PLEKHA7: variants seen among roughly 807,000 people sequenced by gnomAD.
PLEKHA7 encodes the protein pleckstrin homology domain containing A7.
A neutral mutation model predicts 170.0 loss-of-function variants in PLEKHA7; 104 were observed. The ratio of observed to expected loss-of-function variants is 0.61; its 90% CI spans 0.52 to 0.72. The LOEUF (loss-of-function observed/expected upper bound fraction) is 0.72. Ranked by LOEUF, PLEKHA7 falls within the 30% of genes least tolerant of loss-of-function variation. The probability of loss-of-function intolerance (pLI) is 0.00; values close to 1 mark genes in which losing one functional copy is unlikely to be tolerated. For missense variants in PLEKHA7, 1,615 were observed against 1,671.7 expected (o/e 0.97, Z 0.59); for synonymous variants, 648 against 660.8 (o/e 0.98, Z 0.30).
intron 4 of PLEKHA7, among the ~76,000 whole-genome samples, chr11:16,857,481 A>C (rs968466381): frequency 6.6e-6 from 1 of 152,198 alleles, no homozygotes; most frequent in Non-Finnish European, 1.5e-5. Flanking sequence ...CAGCAAGATA[A>C]CCGCTGATCA....
chr11:16,859,993 C>T (rs1853808797), intron 4 of PLEKHA7, among the ~76,000 whole-genome samples: 1 of 152,242 alleles, frequency 6.6e-6, no homozygotes, highest in Admixed American at 6.5e-5. Flanking sequence ...ACTTCTCTCT[C>T]CCTGGTTTGG....
At position 17,000,514 on chromosome 11, in the gene PLEKHA7, C is replaced by A. The variant is rs560969574; in HGVS notation, c.221+13475G>T. Among the ~76,000 whole-genome samples, 5 of 152,300 alleles carry A rather than the reference C, an allele frequency of 3.3e-5. No homozygotes were observed. The South Asian group carries it at 6.2e-4, about 19-fold the overall frequency. Reference sequence around the variant, plus strand: ...GCCCAGCTTCCTTTTAAAGACAAGTCTCAACAAGGAAGCACAATTCTTTCT... The same window carrying A: ...GCCCAGCTTCCTTTTAAAGACAAGTATCAACAAGGAAGCACAATTCTTTCT... On this transcript the variant is annotated intron_variant, in intron 3 of 26. Coordinates refer to ENST00000531066, the MANE Select transcript of PLEKHA7 (RefSeq NM_001329630.2).
chr11:16,789,417 G>T lies in PLEKHA7; in HGVS notation c.3157-121C>A. ...CTCACACACATGCACACTCTAGTTGGGCTCCTCTTGGCCTTAGAGAACTAT... is the reference window on the plus strand; with the variant it reads ...CTCACACACATGCACACTCTAGTTGTGCTCCTCTTGGCCTTAGAGAACTAT... On this transcript the variant is annotated intron_variant, in intron 22 of 26. Coordinates refer to ENST00000531066, the MANE Select transcript of PLEKHA7 (RefSeq NM_001329630.2). This position sits in a 1 kb window ranked among gnomAD's most constrained non-coding sequence, Gnocchi z 4.6. 1.1e-6 allele frequency: 1 copy of T among 905,674 alleles called. No homozygotes were observed. The highest frequency in any genetic ancestry group is 1.7e-6 in the Non-Finnish European group (1 of 584,830). The allele number at this position is 905,674 out of a possible 1,614,324, so 56.1% of individuals were successfully genotyped here. A position where few individuals can be genotyped will look rare whatever the true frequency, so the allele number is the denominator to read the frequency against.
chr11:16,899,397 T>C (rs1857189353), intron 3 of PLEKHA7, among the ~76,000 whole-genome samples: 1 of 152,214 alleles, frequency 6.6e-6, no homozygotes, highest in Non-Finnish European at 1.5e-5. Context: ...CTAGGGAGGC[T>C]GAGGAAGGAG....
chr11:16,813,456 C>G, intron 12 of PLEKHA7: 1 of 357,306 alleles, frequency 2.8e-6, no homozygotes, highest in Non-Finnish European at 5.4e-6. Flanking sequence ...GTAGCTGAGG[C>G]AGTGCTGTGC....
intron 4 of PLEKHA7, 25 bp from the exon 5 acceptor site, chr11:16,855,939 T>A (rs776300674): frequency 1.3e-6 from 2 of 1,572,158 alleles, no homozygotes; most frequent in Non-Finnish European, 8.8e-7. Context: ...GGGATTCCAG[T>A]GAGTAAAAGC....
chr11:16,788,004 T>G (rs993196390), intron 23 of PLEKHA7: 1 of 152,334 alleles, frequency 6.6e-6, no homozygotes, highest in Non-Finnish European at 1.5e-5. Context: ...AATTGTGTGA[T>G]TGGACTACAG....
Position 16,826,147 on chromosome 11 carries a change from G to A in PLEKHA7, c.1316C>T (p.Ala439Val). The change falls in exon 10 of 27, where the codon GCA becomes GTA. Residue 439 changes from alanine to valine, a missense_variant. By Grantham distance (64) the Ala-to-Val change is moderately conservative. Transcript: ENST00000531066. Reference protein sequence around the residue: ...KSNLAQVEHWARAQKGDSRSL... With the variant: ...KSNLAQVEHWVRAQKGDSRSL... ...CCTGCTATCCCCTTTCTGGGCCCTT[G>A]CCCAGTGCTCCACCTGGGCCAGATT... The A allele has an allele frequency of 6.2e-7, 1 of 1,614,156 alleles. No homozygotes were observed. The highest frequency in any genetic ancestry group is 8.5e-7 in the Non-Finnish European group (1 of 1,180,020).
intron 3 of PLEKHA7, among the ~76,000 whole-genome samples, chr11:16,883,987 T>C (rs187599146): frequency 1.3e-5 from 2 of 150,064 alleles, no homozygotes; most frequent in African/African-American, 4.8e-5. Flanking sequence ...GAACTTAAAA[T>C]TTTATATATA....
At chr11:17,003,289 C>G (rs1864790744) in intron 3 of PLEKHA7, among the ~76,000 whole-genome samples, 1 of 152,172 alleles carries the variant, frequency 6.6e-6, no homozygotes, top group Admixed American at 6.5e-5. Context: ...CCACACCCAG[C>G]CCAAGGTTGT....
At chr11:16,993,941 A>G (rs1051066108) in intron 3 of PLEKHA7, among the ~76,000 whole-genome samples, 1 of 152,256 alleles carries the variant, frequency 6.6e-6, no homozygotes, top group African/African-American at 2.4e-5. Flanking sequence ...TTAGTATCAG[A>G]TAATTATCTA....
chr11:16,894,732 G>A (rs1287595300), intron 3 of PLEKHA7, among the ~76,000 whole-genome samples: 4 of 152,104 alleles, frequency 2.6e-5, no homozygotes, highest in African/African-American at 9.7e-5. Flanking sequence ...CCCTAACAGA[G>A]AGCCCGCCAT....
At chr11:16,786,667 A>G (rs1849417887) in intron 23 of PLEKHA7, 4 of 985,306 alleles carry the variant, frequency 4.1e-6, no homozygotes, top group Non-Finnish European at 4.8e-6. Flanking sequence ...CCAGGGAAAT[A>G]GAAGGCTCCC....
At chr11:16,827,222 C>T (rs775846896) in intron 9 of PLEKHA7, among the ~76,000 whole-genome samples, 1 of 152,238 alleles carries the variant, frequency 6.6e-6, no homozygotes, top group Non-Finnish European at 1.5e-5. Flanking sequence ...GAATAGAGAA[C>T]AGGCACAGCA....
Position 17,014,110 on chromosome 11 carries a change from C to A in PLEKHA7, c.163+15G>T. ...GCCGCTGCGCGCGCCCCCCACCCGC[C>A]GGCCCGGCGCCCACCTGAGCGGATC... On this transcript the variant is annotated intron_variant, in intron 2 of 26. Transcript: ENST00000531066. The A allele has an allele frequency of 1.3e-6, 2 of 1,595,276 alleles. No individual in the cohort carries two copies. The highest frequency in any genetic ancestry group is 1.7e-6 in the Non-Finnish European group (2 of 1,172,318).
At chr11:16,899,722 A>G (rs536150950) in intron 3 of PLEKHA7, among the ~76,000 whole-genome samples, 42 of 152,098 alleles carry the variant, frequency 2.8e-4, no homozygotes, top group Non-Finnish European at 4.3e-4. Context: ...TTCCCATATG[A>G]TTTTCATTTA....
At chr11:16,790,707 G>T in intron 21 of PLEKHA7, 91 bp downstream of exon 21, 1 of 1,316,824 alleles carries the variant, frequency 7.6e-7, no homozygotes, top group Non-Finnish European at 1.1e-6. Flanking sequence ...TAGGCCTAGA[G>T]CTGCAGGCAG....
rs1848822351 is a variant in PLEKHA7, at chr11:16,778,929, G to A, written c.*69C>T. ...GCTGGAAGGGGTTTCCTTGGGGGCA[G>A]AAAGGTCATCTCCTTGGAGGAAGCT... On this transcript the variant is annotated 3_prime_UTR_variant, in exon 27 of 27. Coordinates refer to ENST00000531066, the MANE Select transcript of PLEKHA7 (RefSeq NM_001329630.2). 7.1e-6 allele frequency: 5 copies of A among 702,306 alleles called. No homozygotes were observed. The Admixed American group carries it at 8.0e-5, about 11-fold the overall frequency. 43.5% of individuals were successfully genotyped at this position (702,306 alleles called of 1,614,324 possible).
chr11:16,861,146 T>A (rs1853912407), intron 4 of PLEKHA7, among the ~76,000 whole-genome samples: 1 of 152,150 alleles, frequency 6.6e-6, no homozygotes, highest in Admixed American at 6.5e-5. Context: ...AATAGCATCT[T>A]ATAAAAATAA....
Sources: allele counts gnomAD v4.1 joint callset (sites outside exome capture counted in the v4.1 genomes callset), GRCh38; gene constraint gnomAD v4.1.1; non-coding constraint Gnocchi (gnomAD v3.1); transcripts MANE v1.5; gene names NCBI Gene and HGNC (gene_info 2026-07-23, HGNC 2026-07-21).